The following ZNF565 variants were observed in gnomAD, a reference collection of about 807,000 sequenced individuals.
The protein encoded by ZNF565 is zinc finger protein 565.
A neutral mutation model predicts 39.4 loss-of-function variants in ZNF565; 27 were observed. That is an observed-to-expected ratio of 0.69 (90% CI 0.51 to 0.95). The LOEUF (loss-of-function observed/expected upper bound fraction) is 0.95, where lower values mean the gene tolerates loss of function less well. Among genes scored for constraint, ZNF565 ranks in the 40% least tolerant of loss-of-function variants. The pLI, the probability that ZNF565 is intolerant of heterozygous loss-of-function variation, is 0.00. For synonymous variants in ZNF565, 185 were observed against 216.6 expected (o/e 0.85, Z 1.28); for missense variants, 524 against 621.1 (o/e 0.84, Z 1.66).
chr19:36,207,053 C>A (rs1218435730), intron 1 of ZNF565, among the ~76,000 whole-genome samples: 1 of 152,074 alleles, frequency 6.6e-6, no homozygotes, highest in Admixed American at 6.6e-5. Flanking sequence ...AAGGCAGGAG[C>A]AGGCTTTCCT....
rs1194942480 is a variant in ZNF565 at position 36,183,132 on chromosome 19, G to A, written c.834C>T (p.Pro278=). Residue 278 remains proline, a synonymous_variant, in exon 5 of 5, where the codon CCC becomes CCT. Transcript: ENST00000304116. The part of the protein sequence containing the change: ...LHQRTHTGEK[P]YVCKDCGKAF... ...CCTTGCCACAGTCTTTACATACGTA[G>A]GGTTTCTCGCCTGTGTGAGTTCTTT... The A allele has an allele frequency of 2.5e-6, 4 of 1,614,012 alleles. No individual in the cohort carries two copies.
intron 1 of ZNF565, among the ~76,000 whole-genome samples, chr19:36,233,220 T>C (rs947722296): frequency 2.0e-5 from 3 of 152,062 alleles, no homozygotes; most frequent in Non-Finnish European, 2.9e-5. Context: ...CTGTCTCTAC[T>C]AAAAATACAA....
At chr19:36,189,423 T>C (rs1975443684) in intron 4 of ZNF565, among the ~76,000 whole-genome samples, 1 of 151,908 alleles carries the variant, frequency 6.6e-6, no homozygotes, top group South Asian at 2.1e-4. Flanking sequence ...CAAACAATTT[T>C]CCTGCCTCAG....
At chr19:36,191,314 C>CTT (rs768603825) in intron 4 of ZNF565, among the ~76,000 whole-genome samples, 7 of 125,044 alleles carry the variant, frequency 5.6e-5, no homozygotes, top group Middle Eastern at 3.8e-3. Context: ...ATTTTTCTTT[C>CTT]TTTTTTTTTT....
At position 36,183,312 on chromosome 19, in the gene ZNF565, C is replaced by T; in HGVS notation, c.654G>A (p.Thr218=). 1.9e-6 allele frequency: 3 copies of T among 1,613,186 alleles called. No individual in the cohort carries two copies. The highest frequency in any genetic ancestry group is 1.3e-5 in the African/African-American group (1 of 74,810). The change falls in exon 5 of 5, where the codon ACG becomes ACA. Residue 218 remains threonine, a synonymous_variant. Transcript: ENST00000304116. ...CCTTACAGTCATAAGGTTTCTCACCCGTGTGAATTCTCTGATGCTGAACAA... is the reference window on the plus strand; with the variant it reads ...CCTTACAGTCATAAGGTTTCTCACCTGTGTGAATTCTCTGATGCTGAACAA... ...SHLVQHQRIH[T]GEKPYDCKDC... is the part of the protein sequence containing the mutation.
intron 2 of ZNF565, among the ~76,000 whole-genome samples, chr19:36,196,962 A>C (rs1245443741): frequency 6.6e-6 from 1 of 152,044 alleles, no homozygotes; most frequent in Non-Finnish European, 1.5e-5. Flanking sequence ...GGGCTGAGGC[A>C]GGAGAATTGC....
chr19:36,215,990 A>C (rs1976586545), upstream of ZNF565, among the ~76,000 whole-genome samples: 1 of 152,174 alleles, frequency 6.6e-6, no homozygotes, highest in Non-Finnish European at 1.5e-5. Flanking sequence ...TTGTGAAGTA[A>C]TGGAGAATGC....
Position 36,182,641 on chromosome 19 carries a change from G to C in ZNF565, c.1325C>G (p.Thr442Ser). 1 of 1,614,122 alleles carries C rather than the reference G, an allele frequency of 6.2e-7. No homozygotes were observed. Among genetic ancestry groups the C allele is most frequent in the East Asian group, 2.2e-5 (1 of 44,892 alleles). ...SQLTHHQRIHTCEKPYECREC... is the reference protein window; with the variant it reads ...SQLTHHQRIHSCEKPYECREC... ...CCTGCATTCATAGGGTTTCTCACAA[G>C]TGTGAATTCGCTGATGATGAGTCAG... is the stretch of plus-strand genomic sequence containing the variant. Residue 442 changes from threonine to serine, a missense_variant, in exon 5 of 5, where the codon ACT becomes AGT. Coordinates refer to ENST00000304116, the MANE Select transcript of ZNF565 (RefSeq NM_152477.5).
chr19:36,217,351 C>T (rs940472512), upstream of ZNF565, among the ~76,000 whole-genome samples: 8 of 151,656 alleles, frequency 5.3e-5, no homozygotes, highest in African/African-American at 1.7e-4. Flanking sequence ...GCATGAACCA[C>T]GGTGCCTGGC....
rs769788523 is a variant in ZNF565 at position 36,182,656 on chromosome 19, T to G, written c.1310A>C (p.His437Pro). ...TTTCTCACAAGTGTGAATTCGCTGA[T>G]GATGAGTCAGTTGTGAAACACGAAT... ...AFIRVSQLTHHQRIHTCEKPY... is the reference protein window; with the variant it reads ...AFIRVSQLTHPQRIHTCEKPY... The change falls in exon 5 of 5, where the codon CAT becomes CCT. Residue 437 changes from histidine (H) to proline (P), a missense_variant. Physicochemically the swap from His to Pro is moderately conservative, Grantham distance 77. Coordinates refer to ENST00000304116, the MANE Select transcript of ZNF565 (RefSeq NM_152477.5). 6.2e-7 allele frequency: 1 copy of G among 1,614,152 alleles called. No individual in the cohort carries two copies. The highest frequency in any genetic ancestry group is 2.2e-5 in the East Asian group (1 of 44,894).
intron 1 of ZNF565, among the ~76,000 whole-genome samples, chr19:36,231,774 C>T (rs1052763804): frequency 1.3e-5 from 2 of 152,126 alleles, no homozygotes; most frequent in African/African-American, 4.8e-5. Context: ...TAAAAAGACA[C>T]ACTAAGCTCT....
intron 4 of ZNF565, among the ~76,000 whole-genome samples, chr19:36,185,037 G>C (rs901596923): frequency 1.3e-5 from 2 of 151,712 alleles, no homozygotes; most frequent in African/African-American, 4.8e-5. Context: ...AGAATCACTT[G>C]AACCTAGGAG....
intron 1 of ZNF565, among the ~76,000 whole-genome samples, chr19:36,212,809 G>T (rs1976409968): frequency 6.6e-6 from 1 of 152,140 alleles, no homozygotes; most frequent in African/African-American, 2.4e-5. Flanking sequence ...TGGAGACCAG[G>T]TTACTTTGGT....
chr19:36,189,382 T>C (rs918168328), intron 4 of ZNF565, among the ~76,000 whole-genome samples: 1 of 151,978 alleles, frequency 6.6e-6, no homozygotes, highest in Non-Finnish European at 1.5e-5. Context: ...TGGTGTGATC[T>C]TGGCTCACTG....
rs199745263 is a variant in ZNF565 at position 36,205,175 on chromosome 19, C to G, written c.-65-3125G>C. On this transcript the variant is annotated intron_variant, in intron 1 of 4. Transcript: ENST00000304116. ...AGCTGAGGTGTGTCGTTCGCTTAAG[C>G]TCAGGAATTTGAAACCACCCTGGGT... is the stretch of plus-strand genomic sequence containing the variant. Among the ~76,000 whole-genome samples, 3 of 152,166 alleles carry G rather than the reference C, an allele frequency of 2.0e-5. No homozygotes were observed. In the East Asian group the frequency reaches 5.8e-4, roughly 29 times the overall value.
downstream of ZNF565, chr19:36,182,168 G>A (rs761951848): frequency 1.7e-4 from 47 of 275,794 alleles, no homozygotes; most frequent in South Asian, 3.3e-4. Context: ...TCTTTTAATC[G>A]GGTCATTTTT....
chr19:36,222,202 G>A (rs150139749), intron 1 of ZNF565, among the ~76,000 whole-genome samples: 1,876 of 152,218 alleles, frequency 0.012, 40 homozygotes, highest in African/African-American at 0.042. Context: ...GGGATTACAA[G>A]TGTGAGCCAC....
At chr19:36,225,969 A>G (rs1457968549) in intron 1 of ZNF565, among the ~76,000 whole-genome samples, 3 of 151,720 alleles carry the variant, frequency 2.0e-5, no homozygotes, top group Non-Finnish European at 4.4e-5. Context: ...GGGTCTTGCC[A>G]TGTTGCCTAG....
chr19:36,182,159 CTT>C (rs1975110236), downstream of ZNF565: 3 of 256,956 alleles, frequency 1.2e-5, no homozygotes, highest in East Asian at 2.2e-4. Flanking sequence ...GCCACAGAAT[CTT>C]TTAATCGGGT....
Sources: gnomAD v4.1 joint callset for allele counts (sites outside exome capture counted in the v4.1 genomes callset) on GRCh38, gnomAD v4.1.1 for gene constraint, MANE v1.5 for transcripts, NCBI Gene and HGNC (gene_info 2026-07-23, HGNC 2026-07-21) for gene names.